The following PHTF2 variants were observed in gnomAD, a reference collection of about 807,000 sequenced individuals.
The protein encoded by PHTF2 is protein PHTF2.
A neutral mutation model predicts 101.2 loss-of-function variants in PHTF2; 60 were observed. The observed-to-expected ratio is 0.59, with a 90% CI of 0.48 to 0.73. The LOEUF (loss-of-function observed/expected upper bound fraction) is 0.73. Ranked by LOEUF, PHTF2 falls within the 30% of genes least tolerant of loss-of-function variation. PHTF2 has a pLI of 0.00. For missense variants in PHTF2, 747 were observed against 908.7 expected (o/e 0.82, Z 2.29); for synonymous variants, 311 against 307.3 (o/e 1.01, Z -0.13).
intron 1 of PHTF2, among the ~76,000 whole-genome samples, chr7:77,809,472 C>G (rs906235723): frequency 6.6e-6 from 1 of 152,010 alleles, no homozygotes; most frequent in African/African-American, 2.4e-5. Flanking sequence ...GGTGATCCAC[C>G]CACCTCAGCC....
At chr7:77,955,452 T>A (rs1806935239) in exon 20 of PHTF2, 1 of 152,578 alleles carries the variant, frequency 6.6e-6, no homozygotes, top group Non-Finnish European at 1.5e-5. Flanking sequence ...TGCTCTTTGA[T>A]GATAAAACTT....
At chr7:77,842,535 T>G (rs949553241) in intron 2 of PHTF2, among the ~76,000 whole-genome samples, 5 of 152,176 alleles carry the variant, frequency 3.3e-5, no homozygotes, top group African/African-American at 1.2e-4. Context: ...TTTGAAAGAT[T>G]AGTGTTTCAA....
At chr7:77,869,158 C>T (rs527862111) in intron 3 of PHTF2, among the ~76,000 whole-genome samples, 26 of 152,088 alleles carry the variant, frequency 1.7e-4, no homozygotes, top group African/African-American at 4.1e-4. Flanking sequence ...TTAATTGATA[C>T]GTAATTAATT....
intron 1 of PHTF2, among the ~76,000 whole-genome samples, chr7:77,830,113 A>G (rs983362319): frequency 1.3e-4 from 20 of 152,168 alleles, no homozygotes; most frequent in African/African-American, 4.8e-4. Flanking sequence ...TAATAAAGAC[A>G]TTGGACTGCT....
At chr7:77,909,225 A>G (rs1424627013) in intron 8 of PHTF2, 2 of 282,702 alleles carry the variant, frequency 7.1e-6, no homozygotes, top group East Asian at 6.4e-5. Flanking sequence ...AATGTAGACA[A>G]TATATGTTAG....
chr7:77,804,210 T>C (rs1792790053), intron 1 of PHTF2, among the ~76,000 whole-genome samples: 1 of 152,332 alleles, frequency 6.6e-6, no homozygotes, highest in Non-Finnish European at 1.5e-5. Context: ...CCATTGTCTA[T>C]TGTGTGTCTT....
intron 6 of PHTF2, 77 bp from the exon 6 acceptor site, chr7:77,901,685 C>A: frequency 1.4e-6 from 1 of 721,918 alleles, no homozygotes; most frequent in Non-Finnish European, 2.0e-6. Flanking sequence ...GTTTTTCAAA[C>A]ATTGAAATTT....
In PHTF2 at chr7:77,840,306, T is replaced by G. The variant is rs1320648474; in HGVS notation, c.45+6T>G. On this transcript the variant is annotated splice_donor_region_variant and intron_variant, in intron 2 of 19. Coordinates refer to ENST00000416283, the Ensembl canonical transcript of PHTF2. Reference sequence around the variant, plus strand: ...TAGTCTGGTATCAAAAGAAGGTAAGTTGATAGTCAAAACTTTTAGCTTTCT... The same window carrying G: ...TAGTCTGGTATCAAAAGAAGGTAAGGTGATAGTCAAAACTTTTAGCTTTCT... The G allele has an allele frequency of 1.9e-6, 3 of 1,587,060 alleles. No individual in the cohort carries two copies. The African/African-American group carries it at 4.0e-5, about 21-fold the overall frequency.
intron 3 of PHTF2, among the ~76,000 whole-genome samples, chr7:77,862,297 ATTTAT>A (rs943832870): frequency 2.0e-5 from 3 of 152,106 alleles, no homozygotes; most frequent in African/African-American, 4.8e-5. Flanking sequence ...CATTTTTAAC[ATTTAT>A]TTTATATTTG....
intron 15 of PHTF2, 28 bp downstream of exon 14, chr7:77,940,687 T>C: frequency 6.5e-7 from 1 of 1,537,828 alleles, no homozygotes; most frequent in Non-Finnish European, 8.9e-7. Context: ...AAAGTAGCTT[T>C]AACATGCTGG....
intron 1 of PHTF2, among the ~76,000 whole-genome samples, chr7:77,821,770 G>A (rs558766575): frequency 6.6e-6 from 1 of 152,170 alleles, no homozygotes; most frequent in Non-Finnish European, 1.5e-5. Context: ...GGCTGGCTCA[G>A]GGGTGTGGCT....
At chr7:77,933,445 G>A (rs1048868068) in intron 12 of PHTF2, among the ~76,000 whole-genome samples, 2 of 152,152 alleles carry the variant, frequency 1.3e-5, no homozygotes, top group African/African-American at 4.8e-5. Flanking sequence ...GAGAGACCAG[G>A]TAAGATGGGA....
At chr7:77,808,973 T>C (rs1203044643) in intron 1 of PHTF2, among the ~76,000 whole-genome samples, 1 of 152,290 alleles carries the variant, frequency 6.6e-6, no homozygotes, top group East Asian at 1.9e-4. Flanking sequence ...GTGGGAACTC[T>C]TGTATATTGA....
chr7:77,920,281 C>T (rs1803322844), exon 10 of PHTF2: 1 of 1,551,346 alleles, frequency 6.4e-7, no homozygotes, highest in Non-Finnish European at 8.8e-7. Flanking sequence ...ATTTTTAGAT[C>T]AAAGAAAGCA....
intron 9 of PHTF2, among the ~76,000 whole-genome samples, chr7:77,916,851 A>G (rs1367970961): frequency 6.6e-6 from 1 of 152,216 alleles, no homozygotes; most frequent in African/African-American, 2.4e-5. Flanking sequence ...GTACATGTTC[A>G]GTACAGGTGC....
At chr7:77,925,827 G>T (rs1803944658) in intron 11 of PHTF2, among the ~76,000 whole-genome samples, 2 of 152,054 alleles carry the variant, frequency 1.3e-5, no homozygotes, top group Non-Finnish European at 2.9e-5. Flanking sequence ...GGAGGCTGAG[G>T]CGGGCAGATC....
rs878986829 is a variant in PHTF2, at chr7:77,840,187, TAA to T, written c.-35-32_-35-31del. On this transcript the variant is annotated intron_variant, in intron 1 of 19. Transcript: ENST00000416283. ...CAGTCTCCTTTTGGAAGGTGGGAAA[TAA>T]AGTCATTTGTATGTTTTTCTCTCTT... is the stretch of plus-strand genomic sequence containing the variant. The T allele has an allele frequency of 3.3e-5, 37 of 1,136,780 alleles. No individual in the cohort carries two copies. In the South Asian group the frequency reaches 4.4e-4, roughly 13 times the overall value. 70.4% of individuals were successfully genotyped at this position (1,136,780 alleles called of 1,614,324 possible). A position where few individuals can be genotyped will look rare whatever the true frequency, so the allele number is the denominator to read the frequency against.
intron 9 of PHTF2, among the ~76,000 whole-genome samples, chr7:77,914,026 A>G (rs974809801): frequency 1.3e-4 from 20 of 150,114 alleles, no homozygotes; most frequent in African/African-American, 4.7e-4. Flanking sequence ...AGATGGCACC[A>G]CTGCACTCCA....
At chr7:77,859,263 C>T (rs544578685) in intron 3 of PHTF2, among the ~76,000 whole-genome samples, 3 of 152,234 alleles carry the variant, frequency 2.0e-5, no homozygotes, top group South Asian at 4.1e-4. Flanking sequence ...TCTGAGGTTC[C>T]GGTGCATGTG....
Sources: allele counts gnomAD v4.1 joint callset (sites outside exome capture counted in the v4.1 genomes callset), GRCh38; gene constraint gnomAD v4.1.1; transcripts MANE v1.5; gene names NCBI Gene and HGNC (gene_info 2026-07-23, HGNC 2026-07-21).